Variants in PRMT8 observed in about 807,000 individuals in gnomAD.
PRMT8 encodes the protein protein arginine methyltransferase 8.
In PRMT8, 7 loss-of-function variants were observed where a neutral mutation model predicts 47.1. The ratio of observed to expected loss-of-function variants is 0.15; its 90% CI spans 0.08 to 0.28. The LOEUF is 0.28. Ranked by LOEUF, PRMT8 falls within the 10% of genes least tolerant of loss-of-function variation. The pLI is 1.00. For missense variants in PRMT8, 237 were observed against 505.4 expected, an observed-to-expected ratio of 0.47 and a Z score of 5.09; for synonymous variants, 188 against 186.5, an observed-to-expected ratio of 1.01 and a Z score of -0.07.
Position 3,460,410 on chromosome 12 carries a change from C to T in PRMT8, c.48+78968C>T, listed in dbSNP as rs148007226. Among the ~76,000 whole-genome samples, 25 of 152,256 alleles carry T rather than the reference C, an allele frequency of 1.6e-4. No individual in the cohort carries two copies. In the East Asian group the frequency reaches 4.6e-3, roughly 28 times the overall value. ...CTTCTAAGTTTGCTTTTCAGAAGACCAGGCAGCTGGGCAGACTGCAGTGGT... is the reference window on the plus strand; with the variant it reads ...CTTCTAAGTTTGCTTTTCAGAAGACTAGGCAGCTGGGCAGACTGCAGTGGT... On this transcript the variant is annotated intron_variant, in intron 1 of 9. Transcript: ENST00000452611.
intron 1 of PRMT8, among the ~76,000 whole-genome samples, chr12:3,468,726 C>T (rs139855626): frequency 1.3e-5 from 2 of 152,196 alleles, no homozygotes; most frequent in African/African-American, 4.8e-5. Context: ...TATCCAGAAA[C>T]CTTAGCCATT....
At position 3,491,558 on chromosome 12, in the gene PRMT8, T is replaced by C; in HGVS notation, c.-68T>C. On this transcript the variant is annotated 5_prime_UTR_variant, in exon 1 of 10. Coordinates refer to ENST00000382622, the MANE Select transcript of PRMT8 (RefSeq NM_019854.5). Reference sequence around the variant, plus strand: ...TTTTCTCCCATCCTCTCGCTCTCTCTTTTAAAGCGACACCAGCTCTCTCTC... The same window carrying C: ...TTTTCTCCCATCCTCTCGCTCTCTCCTTTAAAGCGACACCAGCTCTCTCTC... The C allele has an allele frequency of 1.3e-6, 2 of 1,543,474 alleles. No individual in the cohort carries two copies. Among genetic ancestry groups the C allele is most frequent in the South Asian group, 1.2e-5 (1 of 83,254 alleles).
At chr12:3,512,518 C>T (rs1387410540) in intron 1 of PRMT8, among the ~76,000 whole-genome samples, 1 of 152,202 alleles carries the variant, frequency 6.6e-6, no homozygotes, top group Non-Finnish European at 1.5e-5. Context: ...CCATTCTCCC[C>T]TTCACCCCAG....
At chr12:3,512,993 C>T (rs1414534287) in intron 1 of PRMT8, among the ~76,000 whole-genome samples, 1 of 152,138 alleles carries the variant, frequency 6.6e-6, no homozygotes, top group Non-Finnish European at 1.5e-5. Context: ...TGTCCAGGCT[C>T]TGTAACTTGC....
intron 1 of PRMT8, among the ~76,000 whole-genome samples, chr12:3,444,122 G>A (rs1011328893): frequency 2.6e-5 from 4 of 152,158 alleles, no homozygotes; most frequent in African/African-American, 9.7e-5. Flanking sequence ...GAGGTTCATT[G>A]TCCTATCTCC....
intron 8 of PRMT8, among the ~76,000 whole-genome samples, chr12:3,587,053 G>A (rs749303230): frequency 7.9e-5 from 12 of 152,088 alleles, no homozygotes; most frequent in Non-Finnish European, 1.2e-4. Context: ...ACAACTGACC[G>A]AGTAACCCTT....
chr12:3,420,035 C>G lies in PRMT8; in HGVS notation c.48+38593C>G, dbSNP rs367784178. ...GGGGAAAGAGAGAGAGAGAGACAGA[C>G]AGAGAGAGAGAGAGAGAGAGAGAGA... On this transcript the variant is annotated intron_variant, in intron 1 of 9. Coordinates refer to the PRMT8 transcript ENST00000452611. 1.0e-3 allele frequency among the ~76,000 whole-genome samples: 133 copies of G among 131,886 alleles called. 1 individual carries two copies. The highest frequency in any genetic ancestry group is 3.6e-3 in the African/African-American group (123 of 33,750). 86.5% of individuals were successfully genotyped at this position (131,886 alleles called of 152,430 possible).
rs1867027088 is a variant in PRMT8, at chr12:3,580,048, AC to A, written c.829-3008del. Among the ~76,000 whole-genome samples, 2 of 151,974 alleles carry A rather than the reference AC, an allele frequency of 1.3e-5. No individual in the cohort carries two copies. Among genetic ancestry groups the A allele is most frequent in the South Asian group, 4.2e-4 (2 of 4,816 alleles). ...GGGTTGGGGAACCTGAGCCCAGAGG[AC>A]CTTTGTGTTTTTGAAGCCTAGCTAC... is the stretch of plus-strand genomic sequence containing the variant. On this transcript the variant is annotated intron_variant, in intron 7 of 9. Coordinates refer to ENST00000382622, the MANE Select transcript of PRMT8 (RefSeq NM_019854.5). The surrounding 1 kb of genome is among the most constrained non-coding windows in gnomAD (Gnocchi z 4.6).
intron 1 of PRMT8, among the ~76,000 whole-genome samples, chr12:3,443,120 A>G (rs1864820726): frequency 6.6e-6 from 1 of 152,184 alleles, no homozygotes; most frequent in Non-Finnish European, 1.5e-5. Flanking sequence ...GGATGAATGA[A>G]TGAGTGATCC....
In PRMT8 at chr12:3,521,411, TA is replaced by T. The variant is rs1383969730; in HGVS notation, c.76-19190del. 5.9e-5 allele frequency among the ~76,000 whole-genome samples: 9 copies of T among 151,730 alleles called. No individual in the cohort carries two copies. The South Asian group carries it at 8.3e-4, about 14-fold the overall frequency. Reference sequence around the variant, plus strand: ...CAACATGACGAAACCCCGTCTCTACTAAAAATACAAAAATTAGCTGGGCATG... The same window carrying T: ...CAACATGACGAAACCCCGTCTCTACTAAAATACAAAAATTAGCTGGGCATG... On this transcript the variant is annotated intron_variant, in intron 1 of 9. Transcript: ENST00000382622.
intron 1 of PRMT8, among the ~76,000 whole-genome samples, chr12:3,432,603 G>T (rs1333443624): frequency 6.6e-6 from 1 of 151,972 alleles, no homozygotes; most frequent in Non-Finnish European, 1.5e-5. Context: ...AGGCCGATGG[G>T]GCTGGAAAGC....
At chr12:3,483,329 G>A (rs1023874116) in intron 1 of PRMT8, among the ~76,000 whole-genome samples, 4 of 152,164 alleles carry the variant, frequency 2.6e-5, no homozygotes, top group African/African-American at 4.8e-5. Context: ...CCCTGGAGAC[G>A]AAAGCCCTTC....
intron 1 of PRMT8, among the ~76,000 whole-genome samples, chr12:3,496,214 A>ATTTTTTTTTTTTTTTTTTTTTTTTTT (rs1555085718): frequency 1.1e-4 from 3 of 27,776 alleles, no homozygotes; most frequent in Middle Eastern, 0.017. Flanking sequence ...ATATATATAT[A>ATTTTTTTTTTTTTTTTTTTTTTTTTT]TTTTTTTTTT....
chr12:3,574,525 G>A (rs922834672), intron 6 of PRMT8, among the ~76,000 whole-genome samples: 14 of 152,226 alleles, frequency 9.2e-5, no homozygotes, highest in African/African-American at 2.7e-4. Context: ...GCACATGGCC[G>A]CACAGCTTGC....
At position 3,593,329 on chromosome 12, in the gene PRMT8, C is replaced by T. The variant is rs972949040; in HGVS notation, c.*147C>T. On this transcript the variant is annotated 3_prime_UTR_variant, in exon 10 of 10. Transcript: ENST00000382622. The surrounding 1 kb of genome is among the most constrained non-coding windows in gnomAD (Gnocchi z 4.8). ...TTGAAGATTGGTGAACTCCCCAGGGCTCCCGTGGGCTCTGCCACTGGACAG... is the reference window on the plus strand; with the variant it reads ...TTGAAGATTGGTGAACTCCCCAGGGTTCCCGTGGGCTCTGCCACTGGACAG... The T allele has an allele frequency of 9.2e-6, 6 of 651,882 alleles. No individual in the cohort carries two copies. The highest frequency in any genetic ancestry group is 1.6e-5 in the Non-Finnish European group (6 of 384,164). 40.4% of individuals were successfully genotyped at this position (651,882 alleles called of 1,614,324 possible).
intron 2 of PRMT8, among the ~76,000 whole-genome samples, chr12:3,545,775 C>T (rs1242795359): frequency 2.0e-5 from 3 of 152,192 alleles, no homozygotes; most frequent in Non-Finnish European, 4.4e-5. Flanking sequence ...ATATTTTTAA[C>T]ACTTCTGTCT....
At chr12:3,398,681 T>G (rs1165267160) in intron 1 of PRMT8, among the ~76,000 whole-genome samples, 1 of 152,194 alleles carries the variant, frequency 6.6e-6, no homozygotes, top group African/African-American at 2.4e-5. Flanking sequence ...CGGGCTCACT[T>G]CATTTTTTCT....
chr12:3,416,405 T>G (rs1721877750), intron 1 of PRMT8, among the ~76,000 whole-genome samples: 1 of 152,208 alleles, frequency 6.6e-6, no homozygotes, highest in African/African-American at 2.4e-5. Flanking sequence ...TTTCTTTGGC[T>G]GGTGTCAGTC....
rs1039197273 is a variant in PRMT8, at chr12:3,508,054, A to G, written c.75+16354A>G. ...CCTGTGGGATTATAAATCCCATTTTATAGGCTGGCCATGAGGATTACATTT... is the reference window on the plus strand; with the variant it reads ...CCTGTGGGATTATAAATCCCATTTTGTAGGCTGGCCATGAGGATTACATTT... On this transcript the variant is annotated intron_variant, in intron 1 of 9. Coordinates refer to ENST00000382622, the MANE Select transcript of PRMT8 (RefSeq NM_019854.5). The surrounding 1 kb of genome is among the most constrained non-coding windows in gnomAD (Gnocchi z 4.9). Among the ~76,000 whole-genome samples, 1 of 152,156 alleles carries G rather than the reference A, an allele frequency of 6.6e-6. No individual in the cohort carries two copies. Among genetic ancestry groups the G allele is most frequent in the Non-Finnish European group, 1.5e-5 (1 of 68,024 alleles).
Sources: gnomAD v4.1 joint callset for allele counts (sites outside exome capture counted in the v4.1 genomes callset) on GRCh38, gnomAD v4.1.1 for gene constraint, Gnocchi (gnomAD v3.1) non-coding constraint, MANE v1.5 for transcripts, NCBI Gene and HGNC (gene_info 2026-07-23, HGNC 2026-07-21) for gene names.